PDE4D: variants seen among roughly 807,000 people sequenced by gnomAD.
PDE4D encodes the protein 3',5'-cyclic-AMP phosphodiesterase 4D.
A neutral mutation model predicts 87.4 loss-of-function variants in PDE4D; 24 were observed. The ratio of observed to expected loss-of-function variants is 0.27; its 90% CI spans 0.20 to 0.39. The LOEUF (loss-of-function observed/expected upper bound fraction) is 0.39. Among genes scored for constraint, PDE4D ranks in the 10% least tolerant of loss-of-function variants. PDE4D has a pLI of 1.00. For synonymous variants in PDE4D, 384 were observed against 383.2 expected, an observed-to-expected ratio of 1.00 and a Z score of -0.02; for missense variants, 714 against 1,041.0, an observed-to-expected ratio of 0.69 and a Z score of 4.32.
intron 1 of PDE4D, among the ~76,000 whole-genome samples, chr5:60,228,377 AAAT>A (rs1441733886): frequency 2.6e-5 from 4 of 152,128 alleles, no homozygotes; most frequent in Admixed American, 6.6e-5. Flanking sequence ...AGGTCTAACT[AAAT>A]CCATCTATCC....
At chr5:60,370,380 T>C (rs896907517) in intron 1 of PDE4D, among the ~76,000 whole-genome samples, 1 of 152,176 alleles carries the variant, frequency 6.6e-6, no homozygotes, top group African/African-American at 2.4e-5. Flanking sequence ...TAACAACATA[T>C]CATCGACTAC....
At chr5:59,437,653 G>A (rs914920624) in intron 1 of PDE4D, among the ~76,000 whole-genome samples, 3 of 151,870 alleles carry the variant, frequency 2.0e-5, no homozygotes, top group African/African-American at 4.8e-5. Flanking sequence ...AGCATTAATT[G>A]AGCATGTACT....
chr5:60,353,450 A>ATATCCCC (rs1344834064), intron 1 of PDE4D, among the ~76,000 whole-genome samples: 1 of 152,240 alleles, frequency 6.6e-6, no homozygotes, highest in African/African-American at 2.4e-5. Context: ...AAGCAACAAG[A>ATATCCCC]TATCCCCATA....
intron 5 of PDE4D, among the ~76,000 whole-genome samples, chr5:59,157,614 T>C (rs183487140): frequency 6.6e-6 from 1 of 152,314 alleles, no homozygotes; most frequent in South Asian, 2.1e-4. Flanking sequence ...ACATTGTTCA[T>C]GTACAAATGA....
At chr5:59,973,718 C>G (rs796716731) in intron 3 of PDE4D, among the ~76,000 whole-genome samples, 8 of 152,216 alleles carry the variant, frequency 5.3e-5, no homozygotes, top group African/African-American at 1.9e-4. Context: ...GAAGGCTCCT[C>G]TGCTTGGGTC....
upstream of PDE4D, among the ~76,000 whole-genome samples, chr5:59,895,932 C>A (rs1380566863): frequency 1.3e-5 from 2 of 151,928 alleles, no homozygotes; most frequent in East Asian, 3.9e-4. Flanking sequence ...TTTAAAAATT[C>A]TTTGTTTTGT....
intron 1 of PDE4D, among the ~76,000 whole-genome samples, chr5:60,276,207 A>G (rs1051693928): frequency 1.3e-5 from 2 of 152,152 alleles, no homozygotes; most frequent in African/African-American, 2.4e-5. Context: ...TGTTCTATCA[A>G]TTGTTGAGAA....
chr5:59,409,776 G>A (rs6885690), intron 1 of PDE4D, among the ~76,000 whole-genome samples: 26,160 of 151,988 alleles, frequency 0.17, 3,039 homozygotes, highest in African/African-American at 0.32. Flanking sequence ...TTATAGCAAC[G>A]CAATAATGGC....
chr5:59,270,934 T>C (rs981596175), intron 1 of PDE4D, among the ~76,000 whole-genome samples: 1 of 152,196 alleles, frequency 6.6e-6, no homozygotes, highest in Admixed American at 6.5e-5. Flanking sequence ...ACTCCTTCTT[T>C]TCAATATTGT....
chr5:60,508,865 CT>C (rs925659932), intron 1 of PDE4D, among the ~76,000 whole-genome samples: 20 of 150,834 alleles, frequency 1.3e-4, no homozygotes, highest in Middle Eastern at 3.2e-3. Context: ...GCAGATTTCT[CT>C]TTTTTTTTCT....
chr5:60,149,196 A>G (rs75924276), intron 2 of PDE4D, among the ~76,000 whole-genome samples: 1 of 152,310 alleles, frequency 6.6e-6, no homozygotes, highest in East Asian at 1.9e-4. Context: ...ACAGAATACT[A>G]TAGGTTGAGT....
intron 1 of PDE4D, among the ~76,000 whole-genome samples, chr5:59,485,740 C>T (rs1006146985): frequency 4.6e-5 from 7 of 152,116 alleles, no homozygotes; most frequent in African/African-American, 1.4e-4. Flanking sequence ...AGAGCCTACA[C>T]TGTCAGAAAA....
intron 3 of PDE4D, among the ~76,000 whole-genome samples, chr5:59,975,982 T>C (rs181920663): frequency 8.5e-5 from 13 of 152,308 alleles, no homozygotes; most frequent in African/African-American, 2.6e-4. Context: ...AACAAGATTA[T>C]AGTGGTCTAT....
At chr5:60,270,277 G>A (rs1448347428) in intron 1 of PDE4D, among the ~76,000 whole-genome samples, 1 of 152,112 alleles carries the variant, frequency 6.6e-6, no homozygotes, top group East Asian at 1.9e-4. Flanking sequence ...TGATAATCTA[G>A]GGTACTCATT....
intron 6 of PDE4D, among the ~76,000 whole-genome samples, chr5:58,994,347 C>A (rs1382530456): frequency 6.6e-6 from 1 of 152,156 alleles, no homozygotes; most frequent in African/African-American, 2.4e-5. Flanking sequence ...TTCTCCCACC[C>A]CCATCAGCTG....
intron 1 of PDE4D, among the ~76,000 whole-genome samples, chr5:59,328,290 G>T (rs1413342559): frequency 1.3e-5 from 2 of 152,036 alleles, no homozygotes; most frequent in South Asian, 2.1e-4. Context: ...TAAAAAGGGG[G>T]TAATAATACT....
At chr5:60,315,645 C>T (rs946097410) in intron 1 of PDE4D, among the ~76,000 whole-genome samples, 224 of 152,152 alleles carry the variant, frequency 1.5e-3, no homozygotes, top group African/African-American at 4.8e-3. Flanking sequence ...CTTTAATCCA[C>T]CTTGAATTAA....
chr5:60,143,751 A>G (rs1417905265), intron 2 of PDE4D, among the ~76,000 whole-genome samples: 41 of 152,032 alleles, frequency 2.7e-4, no homozygotes, highest in Admixed American at 2.7e-3. Flanking sequence ...TTTATTGATT[A>G]TGTTAGAGAT....
upstream of PDE4D, among the ~76,000 whole-genome samples, chr5:60,491,927 G>A (rs759117322): frequency 6.6e-6 from 1 of 152,010 alleles, no homozygotes. Flanking sequence ...AGATTAAATG[G>A]GCAAATACAT....
Sources: gnomAD v4.1 joint callset for allele counts (sites outside exome capture counted in the v4.1 genomes callset) on GRCh38, gnomAD v4.1.1 for gene constraint, MANE v1.5 for transcripts, NCBI Gene and HGNC (gene_info 2026-07-23, HGNC 2026-07-21) for gene names.